RBMS3: variants seen among roughly 807,000 people sequenced by gnomAD.
RBMS3 encodes the protein RNA binding motif single stranded interacting protein 3.
A neutral mutation model predicts 66.8 loss-of-function variants in RBMS3; 27 were observed. The ratio of observed to expected loss-of-function variants is 0.40; its 90% CI spans 0.30 to 0.56. The LOEUF (loss-of-function observed/expected upper bound fraction) is 0.56, where lower values mean the gene tolerates loss of function less well. Among genes scored for constraint, RBMS3 ranks in the 20% least tolerant of loss-of-function variants. The pLI is 0.40. For missense variants in RBMS3, 513 were observed against 549.5 expected, an observed-to-expected ratio of 0.93 and a Z score of 0.66; for synonymous variants, 188 against 183.0, an observed-to-expected ratio of 1.03 and a Z score of -0.22.
chr3:29,430,018 C>T (rs943838736), intron 1 of RBMS3, among the ~76,000 whole-genome samples: 2 of 151,904 alleles, frequency 1.3e-5, no homozygotes, highest in Non-Finnish European at 2.9e-5. Flanking sequence ...CATACAAAAT[C>T]GCTTTTGCTT....
chr3:29,491,008 A>G (rs1470205927), intron 3 of RBMS3, among the ~76,000 whole-genome samples: 1 of 152,204 alleles, frequency 6.6e-6, no homozygotes, highest in Non-Finnish European at 1.5e-5. Context: ...CCTTATGCAG[A>G]GTTTTGCTCA....
chr3:29,963,279 C>T lies in RBMS3; in HGVS notation c.1098+19025C>T, dbSNP rs78139487. ...CATGTGAGCATTAAATGCCCGAATGCCCAGGTTACAGTCCAGGCCAATTAA... is the reference window on the plus strand; with the variant it reads ...CATGTGAGCATTAAATGCCCGAATGTCCAGGTTACAGTCCAGGCCAATTAA... On this transcript the variant is annotated intron_variant, in intron 12 of 14. Coordinates refer to ENST00000383767, the MANE Select transcript of RBMS3 (RefSeq NM_001003793.3). Among the ~76,000 whole-genome samples, 462 of 152,162 alleles carry T rather than the reference C, an allele frequency of 3.0e-3. 3 individuals carry two copies. Among genetic ancestry groups the T allele is most frequent in the African/African-American group, 0.01 (428 of 41,496 alleles).
intron 3 of RBMS3, among the ~76,000 whole-genome samples, chr3:29,533,894 G>A (rs1242118432): frequency 1.3e-5 from 2 of 152,206 alleles, no homozygotes; most frequent in Non-Finnish European, 2.9e-5. Flanking sequence ...AATGCCCTGT[G>A]ATTAAAAGCC....
At chr3:29,587,922 A>G (rs2149095209) in intron 4 of RBMS3, among the ~76,000 whole-genome samples, 1 of 152,198 alleles carries the variant, frequency 6.6e-6, no homozygotes, top group South Asian at 2.1e-4. Context: ...ATTATTTACA[A>G]TCCTTTTGTG....
intron 10 of RBMS3, chr3:29,902,989 A>G (rs1395163820): frequency 6.6e-6 from 1 of 152,000 alleles, no homozygotes; most frequent in African/African-American, 2.4e-5. Flanking sequence ...TAAGAGAGAA[A>G]TGAAATGGCA....
chr3:29,581,691 A>G (rs141497652), intron 3 of RBMS3, among the ~76,000 whole-genome samples: 411 of 152,336 alleles, frequency 2.7e-3, no homozygotes, highest in Non-Finnish European at 4.2e-3. Context: ...CTTTGGAAGA[A>G]TTTGGGTGCT....
chr3:29,742,425 G>A (rs991564810), intron 5 of RBMS3, among the ~76,000 whole-genome samples: 5 of 152,052 alleles, frequency 3.3e-5, no homozygotes, highest in Admixed American at 2.0e-4. Context: ...GATATTGCTC[G>A]CCTTCCTGGC....
At chr3:29,909,776 C>T (rs1900907) in intron 10 of RBMS3, among the ~76,000 whole-genome samples, 3,528 of 151,956 alleles carry the variant, frequency 0.023, 153 homozygotes, top group African/African-American at 0.081. Flanking sequence ...TGGGAGTATG[C>T]GGGGCATGTG....
intron 1 of RBMS3, among the ~76,000 whole-genome samples, chr3:29,366,807 C>G (rs2037934689): frequency 1.3e-5 from 2 of 152,116 alleles, no homozygotes; most frequent in African/African-American, 4.8e-5. Context: ...CATTTTATTC[C>G]TCTTTCTATA....
intron 4 of RBMS3, among the ~76,000 whole-genome samples, chr3:29,619,684 T>C (rs149053301): frequency 2.6e-5 from 4 of 152,318 alleles, no homozygotes; most frequent in African/African-American, 9.6e-5. Context: ...CTCACTTGAT[T>C]CAGTTGAACA....
chr3:29,710,854 T>A (rs1052643262), intron 4 of RBMS3, among the ~76,000 whole-genome samples: 2 of 152,248 alleles, frequency 1.3e-5, no homozygotes, highest in Non-Finnish European at 2.9e-5. Flanking sequence ...ATTATGGAAA[T>A]GCTTTAATTT....
At chr3:29,678,282 G>A (rs2051336744) in intron 4 of RBMS3, among the ~76,000 whole-genome samples, 1 of 152,064 alleles carries the variant, frequency 6.6e-6, no homozygotes, top group Admixed American at 6.6e-5. Flanking sequence ...TAGGAGTTTT[G>A]CTTTCAAGTA....
chr3:29,668,008 A>G (rs2050835803), intron 4 of RBMS3, among the ~76,000 whole-genome samples: 1 of 152,210 alleles, frequency 6.6e-6, no homozygotes, highest in Admixed American at 6.5e-5. Flanking sequence ...TTTGAACGAT[A>G]CAATTAATCA....
Position 29,656,709 on chromosome 3 carries a change from G to A in RBMS3, c.399+69504G>A, listed in dbSNP as rs191054123. Among the ~76,000 whole-genome samples the A allele has an allele frequency of 2.6e-5, 4 of 151,238 alleles. No homozygotes were observed. The East Asian group carries it at 7.8e-4, about 30-fold the overall frequency. ...GTAGATACCTTAGGACACAAGGACA[G>A]GTGTATGTGACCTGTCTACCTAAGG... On this transcript the variant is annotated intron_variant, in intron 4 of 14. Coordinates refer to ENST00000383767, the MANE Select transcript of RBMS3 (RefSeq NM_001003793.3).
At chr3:29,915,067 A>G (rs947967944) in intron 10 of RBMS3, among the ~76,000 whole-genome samples, 14 of 151,694 alleles carry the variant, frequency 9.2e-5, no homozygotes, top group African/African-American at 3.1e-4. Flanking sequence ...TATCTGTCTC[A>G]TTGTTAAGTC....
At chr3:29,660,517 G>A (rs1473630331) in intron 4 of RBMS3, among the ~76,000 whole-genome samples, 4 of 152,068 alleles carry the variant, frequency 2.6e-5, no homozygotes, top group Non-Finnish European at 4.4e-5. Flanking sequence ...AGCTTAATTC[G>A]TTACTGATAC....
chr3:29,799,883 A>G (rs2057334376), intron 6 of RBMS3, among the ~76,000 whole-genome samples: 1 of 152,146 alleles, frequency 6.6e-6, no homozygotes, highest in African/African-American at 2.4e-5. Context: ...TGGGAGCTTT[A>G]GTTATATCAG....
chr3:29,847,290 C>G (rs946445091), intron 6 of RBMS3, among the ~76,000 whole-genome samples: 1 of 152,190 alleles, frequency 6.6e-6, no homozygotes, highest in African/African-American at 2.4e-5. Flanking sequence ...ATATGATGCA[C>G]ATTTGTTTAC....
At chr3:29,630,906 A>G (rs929558245) in intron 4 of RBMS3, among the ~76,000 whole-genome samples, 1 of 151,962 alleles carries the variant, frequency 6.6e-6, no homozygotes, top group Non-Finnish European at 1.5e-5. Context: ...CTGGGTAGCC[A>G]ATGACTGGGA....
Sources: allele counts gnomAD v4.1 joint callset (sites outside exome capture counted in the v4.1 genomes callset), GRCh38; gene constraint gnomAD v4.1.1; transcripts MANE v1.5; gene names NCBI Gene and HGNC (gene_info 2026-07-23, HGNC 2026-07-21).